The following GLI3 variants were observed in gnomAD, a reference collection of about 807,000 sequenced individuals.
GLI3 encodes transcription activator GLI3.
GLI3 carries 20 observed loss-of-function variants against 100.8 expected under a neutral mutation model. That is an observed-to-expected ratio of 0.20 (90% confidence interval 0.14 to 0.29). The LOEUF (loss-of-function observed/expected upper bound fraction) is 0.29. GLI3 is among the 10% of genes least tolerant of loss of function. The pLI, the probability that GLI3 is intolerant of heterozygous loss-of-function variation, is 1.00. For synonymous variants in GLI3, 938 were observed against 860.5 expected, an observed-to-expected ratio of 1.09 and a Z score of -1.58; for missense variants, 2,040 against 2,128.5, an observed-to-expected ratio of 0.96 and a Z score of 0.82.
chr7:42,104,012 T>C (rs1263317846), intron 3 of GLI3, among the ~76,000 whole-genome samples: 1 of 152,232 alleles, frequency 6.6e-6, no homozygotes. Context: ...GTATTCACTG[T>C]GCATCTCTTT....
chr7:41,979,603 T>G (rs979001002), intron 10 of GLI3, among the ~76,000 whole-genome samples: 1 of 152,250 alleles, frequency 6.6e-6, no homozygotes, highest in Admixed American at 6.5e-5. Flanking sequence ...AGAAGCTTCT[T>G]AATTTGAATC....
chr7:42,219,496 G>T (rs1788440768), intron 2 of GLI3, among the ~76,000 whole-genome samples: 4 of 151,928 alleles, frequency 2.6e-5, no homozygotes, highest in Admixed American at 2.6e-4. Flanking sequence ...GTGTTAAGTG[G>T]CAAATGCTTC....
In GLI3 at chr7:41,967,904, C is replaced by G; in HGVS notation, c.2123G>C (p.Gly708Ala). 6.2e-7 allele frequency: 1 copy of G among 1,614,060 alleles called. No individual in the cohort carries two copies. Residue 708 changes from glycine (G) to alanine (A), a missense_variant, in exon 14 of 15, where the codon GGT becomes GCT. Physicochemically the swap from Gly to Ala is moderately conservative, Grantham distance 60. Coordinates refer to ENST00000395925, the MANE Select transcript of GLI3 (RefSeq NM_000168.6). ...TTGGCTGCTGCATGAAGACTGACCA[C>G]CAGGGCTTGGCTGAGATGTCTGTTG... The part of the protein sequence containing the change: ...EKPMTSQPSP[G>A]GQSSCSSQQS...
At chr7:42,071,362 G>A (rs1784781510) in intron 4 of GLI3, among the ~76,000 whole-genome samples, 1 of 152,044 alleles carries the variant, frequency 6.6e-6, no homozygotes, top group Admixed American at 6.6e-5. Context: ...ACTTTCCTTT[G>A]TTAATTTTAA....
chr7:42,162,199 G>T (rs1361372842), intron 2 of GLI3, among the ~76,000 whole-genome samples: 1 of 152,150 alleles, frequency 6.6e-6, no homozygotes, highest in Non-Finnish European at 1.5e-5. Context: ...TTTGACTGTG[G>T]GGGGATAGAC....
At chr7:42,114,848 T>C (rs1328031001) in intron 3 of GLI3, among the ~76,000 whole-genome samples, 1 of 150,014 alleles carries the variant, frequency 6.7e-6, no homozygotes, top group Non-Finnish European at 1.5e-5. Context: ...ACTACAGGCA[T>C]GCACTACCAC....
At chr7:42,213,856 C>T (rs1212924031) in intron 2 of GLI3, among the ~76,000 whole-genome samples, 2 of 152,246 alleles carry the variant, frequency 1.3e-5, no homozygotes, top group African/African-American at 4.8e-5. Flanking sequence ...TCTTTCCACC[C>T]ACTAGTAATA....
In GLI3 at chr7:41,964,997, C is replaced by T. The variant is rs1583728402; in HGVS notation, c.4076G>A (p.Gly1359Glu). 1 of 1,613,840 alleles carries T rather than the reference C, an allele frequency of 6.2e-7. No individual in the cohort carries two copies. The highest frequency in any genetic ancestry group is 8.5e-7 in the Non-Finnish European group (1 of 1,180,026). The stretch of plus-strand genomic sequence containing the variant: ...AGCCCCTGGCAGGCAGCTCTCTGGC[C>T]CTTGGTAGATGTTGATGTGTGAGGT... ...SATSHINIYQ[G>E]PESCLPGAHG... Residue 1359 changes from glycine (G) to glutamate (E), a missense_variant, in exon 15 of 15, where the codon GGG becomes GAG. Transcript: ENST00000395925.
intron 2 of GLI3, among the ~76,000 whole-genome samples, chr7:42,191,185 T>C (rs1019904545): frequency 5.9e-5 from 9 of 152,120 alleles, no homozygotes; most frequent in African/African-American, 1.9e-4. Context: ...TATAGACTAA[T>C]CTGGAAAGCA....
intron 3 of GLI3, chr7:42,113,379 G>T: frequency 1.5e-6 from 1 of 688,576 alleles, no homozygotes. Context: ...CCAAGAGAAA[G>T]GCTGAGGGGG....
chr7:42,202,503 C>T (rs1788067227), intron 2 of GLI3, among the ~76,000 whole-genome samples: 1 of 152,150 alleles, frequency 6.6e-6, no homozygotes, highest in South Asian at 2.1e-4. Context: ...GAGCAGTAGT[C>T]AGTATCGATT....
intron 4 of GLI3, among the ~76,000 whole-genome samples, chr7:42,060,585 CCTCT>C (rs564328538): frequency 3.3e-5 from 5 of 152,244 alleles, no homozygotes; most frequent in Admixed American, 3.3e-4. Flanking sequence ...CTGTGACTTT[CCTCT>C]CTATTTTCCA....
intron 3 of GLI3, among the ~76,000 whole-genome samples, chr7:42,118,979 C>T (rs1785928407): frequency 1.3e-5 from 2 of 152,200 alleles, no homozygotes; most frequent in Admixed American, 1.3e-4. Flanking sequence ...AGCAAGGCTC[C>T]TTCAACCACT....
chr7:42,005,235 A>G (rs1477742787), intron 10 of GLI3, among the ~76,000 whole-genome samples: 2 of 152,118 alleles, frequency 1.3e-5, no homozygotes, highest in East Asian at 3.8e-4. Context: ...AAAAATAGTT[A>G]TCTGAACCTT....
chr7:42,032,333 T>C (rs990731987), intron 7 of GLI3, among the ~76,000 whole-genome samples: 1 of 152,206 alleles, frequency 6.6e-6, no homozygotes, highest in Non-Finnish European at 1.5e-5. Context: ...GCTTTCACAA[T>C]AAATATTTAT....
At chr7:42,167,023 C>T (rs781025680) in intron 2 of GLI3, among the ~76,000 whole-genome samples, 4 of 152,184 alleles carry the variant, frequency 2.6e-5, no homozygotes, top group East Asian at 1.9e-4. Context: ...GACCGGGTTT[C>T]GCCATGTTGG....
In GLI3 at chr7:42,031,367, G is replaced by A. The variant is rs113862963; in HGVS notation, c.1029-4955C>T. On this transcript the variant is annotated intron_variant, in intron 7 of 14. Coordinates refer to ENST00000395925, the MANE Select transcript of GLI3 (RefSeq NM_000168.6). ...GATCAGTAGAAAGAAAGTGTTAGAT[G>A]GCCCAGATCTTCCCAAGCAACGTGC... Among the ~76,000 whole-genome samples, 94 of 152,308 alleles carry A rather than the reference G, an allele frequency of 6.2e-4. 1 individual carries two copies. The highest frequency in any genetic ancestry group is 2.1e-3 in the African/African-American group (87 of 41,568).
intron 3 of GLI3, among the ~76,000 whole-genome samples, chr7:42,110,735 T>C (rs975112686): frequency 1.3e-5 from 2 of 152,228 alleles, no homozygotes; most frequent in South Asian, 4.1e-4. Flanking sequence ...CTTTAAATGA[T>C]AGAGGGAAAA....
chr7:41,966,664 A>C lies in GLI3; in HGVS notation c.2432-23T>G, dbSNP rs765579475. ...TGCCTGGAGACAGAGAAAGGGAGAG[A>C]CCATGCGGAGATGAATTCCCTTCGA... On this transcript the variant is annotated intron_variant, in intron 14 of 14. Transcript: ENST00000395925. This position sits in a 1 kb window ranked among gnomAD's most constrained non-coding sequence, Gnocchi z 5.8. 1.2e-6 allele frequency: 2 copies of C among 1,613,136 alleles called. No homozygotes were observed. The highest frequency in any genetic ancestry group is 1.7e-6 in the Non-Finnish European group (2 of 1,179,534).
Sources: allele counts gnomAD v4.1 joint callset (sites outside exome capture counted in the v4.1 genomes callset), GRCh38; gene constraint gnomAD v4.1.1; non-coding constraint Gnocchi (gnomAD v3.1); transcripts MANE v1.5; gene names NCBI Gene and HGNC (gene_info 2026-07-23, HGNC 2026-07-21).